EPS8: variants seen among roughly 807,000 people sequenced by gnomAD.
EPS8 encodes EGFR pathway substrate 8, signaling adaptor.
A neutral mutation model predicts 103.8 loss-of-function variants in EPS8; 42 were observed. The observed-to-expected ratio is 0.40, with a 90% CI of 0.32 to 0.52. The LOEUF (loss-of-function observed/expected upper bound fraction) is 0.52, where lower values mean the gene tolerates loss of function less well. Among genes scored for constraint, EPS8 ranks in the 20% least tolerant of loss-of-function variants. EPS8 has a pLI of 0.40. For synonymous variants in EPS8, 344 were observed against 344.6 expected (o/e 1.00, Z 0.02); for missense variants, 969 against 1,005.1 (o/e 0.96, Z 0.49).
At chr12:15,689,738 T>A (rs1362772840) in intron 1 of EPS8, among the ~76,000 whole-genome samples, 1 of 152,216 alleles carries the variant, frequency 6.6e-6, no homozygotes, top group Non-Finnish European at 1.5e-5. Context: ...CAGAACTTAT[T>A]TCTCCTAACT....
rs911887744 is a variant in EPS8, at chr12:15,701,851, A to G, written c.-21-18879T>C. Reference sequence around the variant, plus strand: ...CCTTCTTCAAAATAACAAGCAATTAAATGGGATCTTGCTGTTTGTTTCCTC... The same window carrying G: ...CCTTCTTCAAAATAACAAGCAATTAGATGGGATCTTGCTGTTTGTTTCCTC... On this transcript the variant is annotated intron_variant, in intron 1 of 20. Coordinates refer to ENST00000281172, the MANE Select transcript of EPS8 (RefSeq NM_004447.6). The surrounding 1 kb of genome is among the most constrained non-coding windows in gnomAD (Gnocchi z 5.1). 1.3e-5 allele frequency among the ~76,000 whole-genome samples: 2 copies of G among 152,232 alleles called. No homozygotes were observed. The highest frequency in any genetic ancestry group is 2.9e-5 in the Non-Finnish European group (2 of 68,036).
chr12:15,632,142 T>C (rs1219459290), intron 17 of EPS8, among the ~76,000 whole-genome samples: 1 of 152,212 alleles, frequency 6.6e-6, no homozygotes, highest in Non-Finnish European at 1.5e-5. Context: ...ATTGGTATTA[T>C]TTTGTTCAAG....
At chr12:15,737,139 TC>T (rs1946774599) in intron 1 of EPS8, among the ~76,000 whole-genome samples, 1 of 149,392 alleles carries the variant, frequency 6.7e-6, no homozygotes, top group African/African-American at 2.5e-5. Flanking sequence ...GTAGGTCTCT[TC>T]TTTCAAAAAG....
intron 13 of EPS8, among the ~76,000 whole-genome samples, chr12:15,651,482 T>A (rs1207109301): frequency 6.6e-6 from 1 of 152,194 alleles, no homozygotes; most frequent in Non-Finnish European, 1.5e-5. Context: ...GCCCAGCAAG[T>A]TAAGATTACG....
chr12:15,651,142 A>G, intron 13 of EPS8, 136 bp from the exon 14 acceptor site: 1 of 615,176 alleles, frequency 1.6e-6, no homozygotes. Flanking sequence ...CATAGACCTA[A>G]TCTGTCTTCC....
chr12:15,714,616 C>T lies in EPS8; in HGVS notation c.-21-31644G>A, dbSNP rs1015176863. On this transcript the variant is annotated intron_variant, in intron 1 of 20. Transcript: ENST00000281172. This position sits in a 1 kb window ranked among gnomAD's most constrained non-coding sequence, Gnocchi z 4.1. ...TATGATCACGCCACTGTATTCCAGC[C>T]TGTGTGACTGAGCAGGACCCATCTC... 6.6e-6 allele frequency among the ~76,000 whole-genome samples: 1 copy of T among 152,182 alleles called. No individual in the cohort carries two copies. The highest frequency in any genetic ancestry group is 2.4e-5 in the African/African-American group (1 of 41,452).
rs913510587 is a variant in EPS8, at chr12:15,749,907, G to T, written c.-22+39254C>A. On this transcript the variant is annotated intron_variant, in intron 1 of 20. Transcript: ENST00000281172. The surrounding 1 kb of genome is among the most constrained non-coding windows in gnomAD (Gnocchi z 4.0). ...CTATAGTAATTCATCTAAGAAAAAC[G>T]AATCTCCTTCTGTAGAATAGTTACA... Among the ~76,000 whole-genome samples the T allele has an allele frequency of 5.9e-5, 9 of 152,020 alleles. No individual in the cohort carries two copies. Among genetic ancestry groups the T allele is most frequent in the Non-Finnish European group, 1.2e-4 (8 of 68,006 alleles).
chr12:15,627,598 G>A (rs1944971383), intron 18 of EPS8, among the ~76,000 whole-genome samples: 1 of 152,186 alleles, frequency 6.6e-6, no homozygotes, highest in African/African-American at 2.4e-5. Context: ...AGCTAGAACT[G>A]GATCTTCTGA....
chr12:15,784,963 G>T lies in EPS8; in HGVS notation c.-22+4198C>A, dbSNP rs1206029851. 6.6e-6 allele frequency among the ~76,000 whole-genome samples: 1 copy of T among 152,122 alleles called. No individual in the cohort carries two copies. Among genetic ancestry groups the T allele is most frequent in the Non-Finnish European group, 1.5e-5 (1 of 67,956 alleles). On this transcript the variant is annotated intron_variant, in intron 1 of 20. Coordinates refer to ENST00000281172, the MANE Select transcript of EPS8 (RefSeq NM_004447.6). The surrounding 1 kb of genome is among the most constrained non-coding windows in gnomAD (Gnocchi z 4.0). ...TGGTTTTCTGGGAGAGGGGCTCACA[G>T]AGGTTATGAGTGAAGCCCAGGGGAT... is the stretch of plus-strand genomic sequence containing the variant.
At position 15,752,655 on chromosome 12, in the gene EPS8, ATTTC is replaced by A. The variant is rs1321187921; in HGVS notation, c.-22+36502_-22+36505del. On this transcript the variant is annotated intron_variant, in intron 1 of 20. Coordinates refer to ENST00000281172, the MANE Select transcript of EPS8 (RefSeq NM_004447.6). This position sits in a 1 kb window ranked among gnomAD's most constrained non-coding sequence, Gnocchi z 4.4. ...ATAATTGTAATAACCAATGGGTATG[ATTTC>A]CCTTCTCCTGCTCAGGAGGTAGAGG... 5.9e-5 allele frequency among the ~76,000 whole-genome samples: 9 copies of A among 151,996 alleles called. No individual in the cohort carries two copies. Among genetic ancestry groups the A allele is most frequent in the Admixed American group, 2.0e-4 (3 of 15,252 alleles).
rs564030540 is a variant in EPS8 at position 15,751,795 on chromosome 12, A to G, written c.-22+37366T>C. Among the ~76,000 whole-genome samples, 1 of 152,118 alleles carries G rather than the reference A, an allele frequency of 6.6e-6. No individual in the cohort carries two copies. The highest frequency in any genetic ancestry group is 1.9e-4 in the East Asian group (1 of 5,150). Reference sequence around the variant, plus strand: ...CTTCTTACCATACTCTACTTACACCATAGCTCAGACAACATGTTAGACGTT... The same window carrying G: ...CTTCTTACCATACTCTACTTACACCGTAGCTCAGACAACATGTTAGACGTT... On this transcript the variant is annotated intron_variant, in intron 1 of 20. Coordinates refer to ENST00000281172, the MANE Select transcript of EPS8 (RefSeq NM_004447.6). This position sits in a 1 kb window ranked among gnomAD's most constrained non-coding sequence, Gnocchi z 4.3.
rs879790177 is a variant in EPS8 at position 15,702,077 on chromosome 12, G to A, written c.-21-19105C>T. ...TTAAGTAGTTTGTGAGTCAGGCTAA[G>A]CACCATGAGATAAACCACATTTCTC... is the stretch of plus-strand genomic sequence containing the variant. On this transcript the variant is annotated intron_variant, in intron 1 of 20. Coordinates refer to ENST00000281172, the MANE Select transcript of EPS8 (RefSeq NM_004447.6). The surrounding 1 kb of genome is among the most constrained non-coding windows in gnomAD (Gnocchi z 5.1). Among the ~76,000 whole-genome samples the A allele has an allele frequency of 3.3e-5, 5 of 152,202 alleles. No homozygotes were observed. The highest frequency in any genetic ancestry group is 7.3e-5 in the Non-Finnish European group (5 of 68,042).
At chr12:15,754,024 G>A (rs1257517227) in intron 1 of EPS8, among the ~76,000 whole-genome samples, 7 of 152,186 alleles carry the variant, frequency 4.6e-5, no homozygotes, top group African/African-American at 1.7e-4. Context: ...ATCTGGCTTG[G>A]GACCAAACAG....
At position 15,669,641 on chromosome 12, in the gene EPS8, T is replaced by C. The variant is rs369030198; in HGVS notation, c.366+23A>G. On this transcript the variant is annotated intron_variant, in intron 5 of 20. Coordinates refer to ENST00000281172, the MANE Select transcript of EPS8 (RefSeq NM_004447.6). ...TTTGTGGAGTTTCTTGAAAATAAAA[T>C]AGTATAAATTTTACACACTTGCCTT... is the stretch of plus-strand genomic sequence containing the variant. The C allele has an allele frequency of 1.8e-5, 29 of 1,567,794 alleles. 1 individual carries two copies. The highest frequency in any genetic ancestry group is 1.7e-4 in the Middle Eastern group (1 of 5,850).
In EPS8 at chr12:15,738,302, A is replaced by G. The variant is rs1251083607; in HGVS notation, c.-22+50859T>C. On this transcript the variant is annotated intron_variant, in intron 1 of 20. Transcript: ENST00000281172. The surrounding 1 kb of genome is among the most constrained non-coding windows in gnomAD (Gnocchi z 6.2). The stretch of plus-strand genomic sequence containing the variant: ...GAGTGGCTAAGAAACCCTTTTGCAC[A>G]TTGCAGATATAGGTAGTCTTCACAT... Among the ~76,000 whole-genome samples, 1 of 152,174 alleles carries G rather than the reference A, an allele frequency of 6.6e-6. No individual in the cohort carries two copies. The highest frequency in any genetic ancestry group is 6.5e-5 in the Admixed American group (1 of 15,284).
In EPS8 at chr12:15,690,621, A is replaced by G. The variant is rs148213967; in HGVS notation, c.-21-7649T>C. Among the ~76,000 whole-genome samples, 1 of 152,294 alleles carries G rather than the reference A, an allele frequency of 6.6e-6. No individual in the cohort carries two copies. The highest frequency in any genetic ancestry group is 1.5e-5 in the Non-Finnish European group (1 of 68,010). ...AGTAATACATGGTTTTACAGATCCA[A>G]TGGCCAGCAGAATGATTATATGGGG... On this transcript the variant is annotated intron_variant, in intron 1 of 20. Transcript: ENST00000281172. The surrounding 1 kb of genome is among the most constrained non-coding windows in gnomAD (Gnocchi z 4.7).
chr12:15,706,192 G>C lies in EPS8; in HGVS notation c.-21-23220C>G, dbSNP rs1420273555. Among the ~76,000 whole-genome samples, 1 of 152,116 alleles carries C rather than the reference G, an allele frequency of 6.6e-6. No homozygotes were observed. The highest frequency in any genetic ancestry group is 1.9e-4 in the East Asian group (1 of 5,190). On this transcript the variant is annotated intron_variant, in intron 1 of 20. Coordinates refer to ENST00000281172, the MANE Select transcript of EPS8 (RefSeq NM_004447.6). This position sits in a 1 kb window ranked among gnomAD's most constrained non-coding sequence, Gnocchi z 5.2. ...CCCATTGAGACAGCTAAGTGGGAGG[G>C]GATCCCTGGCAAAGCTCCTGCCGGC...
At position 15,785,730 on chromosome 12, in the gene EPS8, G is replaced by C. The variant is rs1947304372; in HGVS notation, c.-22+3431C>G. On this transcript the variant is annotated intron_variant, in intron 1 of 20. Transcript: ENST00000281172. The surrounding 1 kb of genome is among the most constrained non-coding windows in gnomAD (Gnocchi z 4.9). ...TTCCTTGGAGAAATGACTGATTCTAGGACTGTGGCAAGATGTATACAGATG... is the reference window on the plus strand; with the variant it reads ...TTCCTTGGAGAAATGACTGATTCTACGACTGTGGCAAGATGTATACAGATG... Among the ~76,000 whole-genome samples the C allele has an allele frequency of 6.6e-6, 1 of 151,938 alleles. No individual in the cohort carries two copies. The highest frequency in any genetic ancestry group is 2.4e-5 in the African/African-American group (1 of 41,380).
Position 15,700,722 on chromosome 12 carries a change from C to G in EPS8, c.-21-17750G>C, listed in dbSNP as rs1946300718. The stretch of plus-strand genomic sequence containing the variant: ...TTGGTAAAAGCATGCCTATTTATAT[C>G]AAGGAGGTTCAAAACTGACTCAGAG... On this transcript the variant is annotated intron_variant, in intron 1 of 20. Coordinates refer to ENST00000281172, the MANE Select transcript of EPS8 (RefSeq NM_004447.6). This position sits in a 1 kb window ranked among gnomAD's most constrained non-coding sequence, Gnocchi z 5.1. Among the ~76,000 whole-genome samples the G allele has an allele frequency of 6.6e-6, 1 of 152,104 alleles. No individual in the cohort carries two copies. Among genetic ancestry groups the G allele is most frequent in the African/African-American group, 2.4e-5 (1 of 41,414 alleles).
Sources: gnomAD v4.1 joint callset for allele counts (sites outside exome capture counted in the v4.1 genomes callset) on GRCh38, gnomAD v4.1.1 for gene constraint, Gnocchi (gnomAD v3.1) non-coding constraint, MANE v1.5 for transcripts, NCBI Gene and HGNC (gene_info 2026-07-23, HGNC 2026-07-21) for gene names.